The following FOXP1 variants were observed in gnomAD, a reference collection of about 807,000 sequenced individuals.
FOXP1 encodes forkhead box P1.
In FOXP1, 15 loss-of-function variants were observed where a neutral mutation model predicts 98.2. The ratio of observed to expected loss-of-function variants is 0.15; its 90% CI spans 0.10 to 0.24. The LOEUF is 0.24. Ranked by LOEUF, FOXP1 falls within the 10% of genes least tolerant of loss-of-function variation. FOXP1 has a pLI of 1.00. For synonymous variants in FOXP1, 371 were observed against 314.5 expected (o/e 1.18, Z -1.90); for missense variants, 633 against 848.5 (o/e 0.75, Z 3.15).
At position 71,152,041 on chromosome 3, in the gene FOXP1, C is replaced by T. The variant is rs62256866; in HGVS notation, c.181-39404G>A. Among the ~76,000 whole-genome samples the T allele has an allele frequency of 5.4e-3, 818 of 152,342 alleles. 5 individuals are homozygous for T. The highest frequency in any genetic ancestry group is 8.7e-3 in the Non-Finnish European group (589 of 68,036). On this transcript the variant is annotated intron_variant, in intron 6 of 20. Transcript: ENST00000649528. ...AGGTATAAAGTCCCTAATCAGTTGACTCTGAGTTAATCAAAAGAGAGCTTT... is the reference window on the plus strand; with the variant it reads ...AGGTATAAAGTCCCTAATCAGTTGATTCTGAGTTAATCAAAAGAGAGCTTT...
chr3:71,121,928 C>CTCACTGTA (rs57641335), intron 6 of FOXP1, among the ~76,000 whole-genome samples: 11,661 of 152,110 alleles, frequency 0.077, 1,268 homozygotes, highest in African/African-American at 0.24. Flanking sequence ...GCTCTATTAA[C>CTCACTGTA]TCACTGTATT....
rs1235472233 is a variant in FOXP1, at chr3:71,583,440, A to AT, written c.-447+130dup. ...GGAAAGTAGTTGTTTTTTTTTTTCC[A>AT]TTTTTTTTCTCTTTTTCTTTCTTTC... On this transcript the variant is annotated intron_variant, in intron 1 of 20. Transcript: ENST00000649528. The AT allele has an allele frequency of 1.6e-5, 15 of 953,726 alleles. No individual in the cohort carries two copies. In the East Asian group the frequency reaches 3.7e-4, roughly 23 times the overall value. The allele number at this position is 953,726 out of a possible 1,614,324, so 59.1% of individuals were successfully genotyped here.
chr3:70,981,824 T>C (rs1031618672), intron 14 of FOXP1, among the ~76,000 whole-genome samples: 1 of 152,212 alleles, frequency 6.6e-6, no homozygotes, highest in Non-Finnish European at 1.5e-5. Context: ...AAAATTGTTC[T>C]AATTGCTAAT....
intron 2 of FOXP1, among the ~76,000 whole-genome samples, chr3:71,513,248 T>A (rs1347778300): frequency 6.6e-6 from 1 of 152,114 alleles, no homozygotes; most frequent in Admixed American, 6.5e-5. Context: ...TCTGACCACA[T>A]CCTTCCCCAA....
At chr3:71,108,680 G>A (rs1327087444) in intron 7 of FOXP1, among the ~76,000 whole-genome samples, 1 of 152,066 alleles carries the variant, frequency 6.6e-6, no homozygotes, top group Non-Finnish European at 1.5e-5. Context: ...CAGGAGAATC[G>A]CTTGAACCTG....
At chr3:71,409,704 G>GGCAGT (rs2082592418) in intron 3 of FOXP1, among the ~76,000 whole-genome samples, 1 of 152,118 alleles carries the variant, frequency 6.6e-6, no homozygotes, top group Non-Finnish European at 1.5e-5. Flanking sequence ...TAACTCTGGG[G>GGCAGT]TTAAACTGCC....
intron 2 of FOXP1, among the ~76,000 whole-genome samples, chr3:71,520,123 C>T (rs1157105541): frequency 2.6e-5 from 4 of 152,364 alleles, no homozygotes; most frequent in Non-Finnish European, 2.9e-5. Flanking sequence ...CTCCATGCAT[C>T]TCCCCAATTA....
At chr3:71,112,343 C>G (rs1351231732) in intron 7 of FOXP1, among the ~76,000 whole-genome samples, 193 bp downstream of exon 7, 1 of 152,184 alleles carries the variant, frequency 6.6e-6, no homozygotes, top group Non-Finnish European at 1.5e-5. Flanking sequence ...GCAGATCTTA[C>G]TCCTGACAAT....
chr3:71,395,265 A>G (rs563517294), intron 3 of FOXP1, among the ~76,000 whole-genome samples: 1 of 151,402 alleles, frequency 6.6e-6, no homozygotes, highest in South Asian at 2.1e-4. Flanking sequence ...GTAGAAGAAT[A>G]AAGCTCGGCG....
At chr3:71,082,784 A>G (rs980863194) in intron 7 of FOXP1, among the ~76,000 whole-genome samples, 10 of 152,182 alleles carry the variant, frequency 6.6e-5, no homozygotes, top group Non-Finnish European at 1.2e-4. Flanking sequence ...ACATTTATTT[A>G]TACTGCGCTC....
intron 3 of FOXP1, among the ~76,000 whole-genome samples, chr3:71,469,291 G>T (rs908609025): frequency 3.9e-5 from 6 of 152,082 alleles, no homozygotes; most frequent in African/African-American, 7.2e-5. Flanking sequence ...GTAACCAACA[G>T]ATTTCAAAGA....
At chr3:71,297,238 T>C (rs2073392098) in intron 5 of FOXP1, among the ~76,000 whole-genome samples, 1 of 152,188 alleles carries the variant, frequency 6.6e-6, no homozygotes, top group African/African-American at 2.4e-5. Flanking sequence ...ATCATGCACT[T>C]GATAGTGATT....
chr3:71,080,002 C>T (rs941874536), intron 7 of FOXP1, among the ~76,000 whole-genome samples: 4 of 152,194 alleles, frequency 2.6e-5, no homozygotes, highest in Non-Finnish European at 5.9e-5. Flanking sequence ...GCACAAGACA[C>T]GCCAATTGCT....
At chr3:71,092,491 G>C (rs996694036) in intron 7 of FOXP1, among the ~76,000 whole-genome samples, 2 of 152,108 alleles carry the variant, frequency 1.3e-5, no homozygotes, top group Admixed American at 1.3e-4. Context: ...TGAAGGTCAC[G>C]TTCCTCCCCC....
At chr3:71,392,256 T>C (rs1344851162) in intron 3 of FOXP1, among the ~76,000 whole-genome samples, 1 of 152,206 alleles carries the variant, frequency 6.6e-6, no homozygotes, top group African/African-American at 2.4e-5. Context: ...AAGTGTTTTA[T>C]TAAACCTAAG....
chr3:71,252,818 T>A (rs2068310077), intron 5 of FOXP1, among the ~76,000 whole-genome samples: 1 of 152,216 alleles, frequency 6.6e-6, no homozygotes, highest in Non-Finnish European at 1.5e-5. Context: ...ACATGGTCAA[T>A]GCCAACCGAG....
chr3:71,583,807 T>TGGCGGCGGCGGCGGC, upstream of FOXP1: 1 of 986,558 alleles, frequency 1.0e-6, no homozygotes, highest in Non-Finnish European at 1.2e-6. Context: ...CCAGCGCCGG[T>TGGCGGCGGCGGCGGC]GGCGGCGGCG....
At chr3:71,386,995 T>A (rs911143918) in intron 3 of FOXP1, among the ~76,000 whole-genome samples, 12 of 152,174 alleles carry the variant, frequency 7.9e-5, no homozygotes, top group Admixed American at 4.6e-4. Flanking sequence ...GAGCTCTGTG[T>A]ACCAACCAAA....
At chr3:71,410,824 T>C (rs2082673947) in intron 3 of FOXP1, among the ~76,000 whole-genome samples, 1 of 152,196 alleles carries the variant, frequency 6.6e-6, no homozygotes, top group Non-Finnish European at 1.5e-5. Flanking sequence ...AAGCAATAAA[T>C]GTCTTTTTCC....
Sources: allele counts gnomAD v4.1 joint callset (sites outside exome capture counted in the v4.1 genomes callset), GRCh38; gene constraint gnomAD v4.1.1; transcripts MANE v1.5; gene names NCBI Gene and HGNC (gene_info 2026-07-23, HGNC 2026-07-21).